The following CRB1 variants were observed in gnomAD, a reference collection of about 807,000 sequenced individuals.
The protein encoded by CRB1 is protein crumbs homolog 1.
In CRB1, 83 loss-of-function variants were observed where a neutral mutation model predicts 120.0. The ratio of observed to expected loss-of-function variants is 0.69; its 90% CI spans 0.58 to 0.83. CRB1 has a LOEUF of 0.83. Among genes scored for constraint, CRB1 ranks in the 40% least tolerant of loss-of-function variants. The pLI, the probability that CRB1 is intolerant of heterozygous loss-of-function variation, is 0.00. For missense variants in CRB1, 1,699 were observed against 1,687.6 expected (o/e 1.01, Z -0.12); for synonymous variants, 625 against 612.5 (o/e 1.02, Z -0.30).
At chr1:197,252,418 C>T in the CRB1 span, among the ~76,000 whole-genome samples, 1 of 149,402 alleles carries the variant, frequency 6.7e-6, no homozygotes, top group Non-Finnish European at 1.5e-5. Flanking sequence ...CCCTATTATT[C>T]TAGTGATTCC....
At chr1:197,390,721 A>G (rs1393252481) in intron 5 of CRB1, among the ~76,000 whole-genome samples, 1 of 152,110 alleles carries the variant, frequency 6.6e-6, no homozygotes, top group Non-Finnish European at 1.5e-5. Context: ...AATTTTTTTA[A>G]TTGTAGCTAA....
At chr1:197,429,181 C>A in intron 7 of CRB1, 1 of 1,518,810 alleles carries the variant, frequency 6.6e-7, no homozygotes. Context: ...TTACAGAGGA[C>A]ACTGCTATAC....
intron 11 of CRB1, among the ~76,000 whole-genome samples, chr1:197,458,053 T>A (rs1005307753): frequency 6.6e-6 from 1 of 152,064 alleles, no homozygotes; most frequent in Admixed American, 6.6e-5. Flanking sequence ...AAAACAACCA[T>A]TAAAGCCATA....
At chr1:197,383,980 C>G (rs550564483) in intron 5 of CRB1, among the ~76,000 whole-genome samples, 1 of 152,274 alleles carries the variant, frequency 6.6e-6, no homozygotes, top group Admixed American at 6.5e-5. Flanking sequence ...AAGTTTAATG[C>G]AGAAGTTACA....
At chr1:197,393,679 A>G (rs888690412) in intron 5 of CRB1, among the ~76,000 whole-genome samples, 1 of 152,154 alleles carries the variant, frequency 6.6e-6, no homozygotes, top group Non-Finnish European at 1.5e-5. Context: ...CTAATACTAT[A>G]GACCATGCTT....
chr1:197,460,427 C>G (rs980433587), intron 11 of CRB1, among the ~76,000 whole-genome samples: 1 of 152,110 alleles, frequency 6.6e-6, no homozygotes, highest in Admixed American at 6.6e-5. Flanking sequence ...GCAGACCCTT[C>G]ACTACCTGAG....
At chr1:197,268,627 G>A in intron 1 of CRB1, 145 bp downstream of exon 1, 1 of 645,364 alleles carries the variant, frequency 1.5e-6, no homozygotes, top group Non-Finnish European at 2.7e-6. Flanking sequence ...AGTGTCCTGT[G>A]TTAAAGAAAT....
chr1:197,438,588 C>A lies in CRB1; in HGVS notation c.3791C>A (p.Thr1264Lys), dbSNP rs1284147743. 1 of 1,612,840 alleles carries A rather than the reference C, an allele frequency of 6.2e-7. No individual in the cohort carries two copies. Among genetic ancestry groups the A allele is most frequent in the Non-Finnish European group, 8.5e-7 (1 of 1,179,058 alleles). Residue 1264 changes from threonine to lysine, a missense_variant, in exon 10 of 12, where the codon ACA becomes AAA. By Grantham distance (78) the Thr-to-Lys change is moderately conservative. Transcript: ENST00000367400. ...TCAACAGTCTGTGGGAATGAGAAGA[C>A]AAATCTCACTTGCTACAATGGAGGC... Reference protein sequence around the residue: ...LPSTVCGNEKTNLTCYNGGNC... With the variant: ...LPSTVCGNEKKNLTCYNGGNC...
intron 1 of CRB1, among the ~76,000 whole-genome samples, chr1:197,282,365 C>G (rs190354467): frequency 1.1e-3 from 172 of 151,900 alleles, no homozygotes; most frequent in African/African-American, 3.9e-3. Context: ...AATAATTTTA[C>G]ACTATGGATT....
chr1:197,274,707 C>G (rs1406447612), intron 1 of CRB1, among the ~76,000 whole-genome samples: 1 of 152,158 alleles, frequency 6.6e-6, no homozygotes, highest in East Asian at 1.9e-4. Context: ...GGACGAGCTT[C>G]TTTCACACAG....
upstream of CRB1, among the ~76,000 whole-genome samples, chr1:197,264,301 G>A (rs1206210279): frequency 1.3e-5 from 2 of 152,158 alleles, no homozygotes; most frequent in African/African-American, 4.8e-5. Context: ...GTAAAGACAT[G>A]ATTTCATTTT....
At chr1:197,392,950 A>G (rs963970400) in intron 5 of CRB1, among the ~76,000 whole-genome samples, 5 of 152,094 alleles carry the variant, frequency 3.3e-5, no homozygotes, top group African/African-American at 1.2e-4. Context: ...CACTTGATGA[A>G]GTAATATCCA....
chr1:197,369,643 G>A lies in CRB1; in HGVS notation c.1171+12630G>A, dbSNP rs192703427. Among the ~76,000 whole-genome samples the A allele has an allele frequency of 2.3e-3, 350 of 152,226 alleles. 3 individuals carry two copies. The highest frequency in any genetic ancestry group is 8.2e-3 in the African/African-American group (340 of 41,532). On this transcript the variant is annotated intron_variant, in intron 5 of 11. Coordinates refer to ENST00000367400, the MANE Select transcript of CRB1 (RefSeq NM_201253.3). ...AGTACATCAGGAACAATACCACTAT[G>A]ACTTATAAGTCTGCTTACTTCAGTC... is the stretch of plus-strand genomic sequence containing the variant.
At chr1:197,442,406 G>A (rs1406181929) in intron 11 of CRB1, 114 bp downstream of exon 11, 3 of 1,603,540 alleles carry the variant, frequency 1.9e-6, no homozygotes, top group African/African-American at 1.3e-5. Context: ...GGGGTGAACA[G>A]GAAGATTATT....
At chr1:197,303,151 C>CT (rs754415489) in intron 1 of CRB1, among the ~76,000 whole-genome samples, 2 of 150,962 alleles carry the variant, frequency 1.3e-5, no homozygotes, top group Non-Finnish European at 3.0e-5. Flanking sequence ...TATTATTATA[C>CT]TTTAAGTTTT....
intron 1 of CRB1, among the ~76,000 whole-genome samples, chr1:197,311,270 G>A (rs750984944): frequency 3.3e-5 from 5 of 152,150 alleles, no homozygotes; most frequent in Non-Finnish European, 5.9e-5. Context: ...ATTATGCTAG[G>A]CGAAATAAGT....
chr1:197,237,329 A>C, the CRB1 span, among the ~76,000 whole-genome samples: 1 of 152,198 alleles, frequency 6.6e-6, no homozygotes, highest in Non-Finnish European at 1.5e-5. Context: ...GAGAAGTCGA[A>C]GATCAAGGCA....
intron 1 of CRB1, among the ~76,000 whole-genome samples, chr1:197,292,950 A>G (rs1228748126): frequency 2.0e-5 from 3 of 152,160 alleles, no homozygotes; most frequent in African/African-American, 7.2e-5. Context: ...CCCACAGCCA[A>G]TATCATACTG....
intron 5 of CRB1, among the ~76,000 whole-genome samples, chr1:197,403,469 G>A (rs553409185): frequency 1.3e-5 from 2 of 152,278 alleles, no homozygotes; most frequent in South Asian, 2.1e-4. Flanking sequence ...TCAGGGGGAC[G>A]TGAATGAGGA....
Sources: gnomAD v4.1 joint callset for allele counts (sites outside exome capture counted in the v4.1 genomes callset) on GRCh38, gnomAD v4.1.1 for gene constraint, MANE v1.5 for transcripts, NCBI Gene and HGNC (gene_info 2026-07-23, HGNC 2026-07-21) for gene names.